Variants in DDX10 observed in about 807,000 individuals in gnomAD.
DDX10 encodes DEAD-box helicase 10.
DDX10 carries 74 observed loss-of-function variants against 104.3 expected under a neutral mutation model. The observed-to-expected ratio is 0.71, with a 90% confidence interval of 0.59 to 0.86. The LOEUF is 0.86. DDX10 is among the 40% of genes least tolerant of loss of function. The probability of loss-of-function intolerance (pLI) is 0.00; values close to 1 mark genes in which losing one functional copy is unlikely to be tolerated. For synonymous variants in DDX10, 351 were observed against 353.4 expected, an observed-to-expected ratio of 0.99 and a Z score of 0.08; for missense variants, 952 against 1,040.0, an observed-to-expected ratio of 0.92 and a Z score of 1.16.
At chr11:108,845,732 G>A (rs539702014) in intron 15 of DDX10, among the ~76,000 whole-genome samples, 3 of 152,130 alleles carry the variant, frequency 2.0e-5, no homozygotes, top group African/African-American at 4.8e-5. Flanking sequence ...TATATTAATT[G>A]TAAAAGATTT....
chr11:108,799,283 G>C (rs893537919), intron 13 of DDX10, among the ~76,000 whole-genome samples: 12 of 152,150 alleles, frequency 7.9e-5, no homozygotes, highest in African/African-American at 2.7e-4. Context: ...ACCAGATTCT[G>C]GTTCACTCGT....
intron 10 of DDX10, 91 bp downstream of exon 10, chr11:108,706,928 T>C (rs917883321): frequency 1.9e-6 from 2 of 1,036,556 alleles, no homozygotes; most frequent in African/African-American, 3.2e-5. Flanking sequence ...CCCCTTCCCC[T>C]AATTTATTCA....
At chr11:108,728,691 A>T (rs866896106) in intron 13 of DDX10, among the ~76,000 whole-genome samples, 17 of 151,794 alleles carry the variant, frequency 1.1e-4, no homozygotes, top group African/African-American at 3.6e-4. Flanking sequence ...ATTTTTAAAA[A>T]TTTTTTTGTA....
At chr11:108,868,439 A>G (rs191783613) in intron 16 of DDX10, 97 of 151,904 alleles carry the variant, frequency 6.4e-4, no homozygotes, top group African/African-American at 2.3e-3. Flanking sequence ...TCCCGCTAAC[A>G]TGTACATACA....
At chr11:108,891,706 G>A (rs1337563699) in intron 16 of DDX10, among the ~76,000 whole-genome samples, 4 of 152,038 alleles carry the variant, frequency 2.6e-5, no homozygotes, top group Admixed American at 2.6e-4. Flanking sequence ...GCACGAACCC[G>A]GTCCTCTAAA....
intron 13 of DDX10, among the ~76,000 whole-genome samples, chr11:108,772,931 T>C (rs1335852451): frequency 6.6e-6 from 1 of 152,176 alleles, no homozygotes; most frequent in East Asian, 1.9e-4. Flanking sequence ...TAACCCACGA[T>C]TGCTTTTGTA....
chr11:108,817,447 T>G (rs1862270807), intron 13 of DDX10, among the ~76,000 whole-genome samples: 1 of 152,234 alleles, frequency 6.6e-6, no homozygotes, highest in African/African-American at 2.4e-5. Flanking sequence ...TTTTAGATCT[T>G]TGCACCTTCT....
chr11:108,781,144 T>G (rs758987253), intron 13 of DDX10, among the ~76,000 whole-genome samples: 1 of 152,188 alleles, frequency 6.6e-6, no homozygotes, highest in African/African-American at 2.4e-5. Flanking sequence ...CACTTATAAG[T>G]GAGAACATGT....
Position 108,741,745 on chromosome 11 carries a change from A to G in DDX10, c.1965+18283A>G, listed in dbSNP as rs144683580. On this transcript the variant is annotated intron_variant, in intron 13 of 17. Transcript: ENST00000322536. ...AGGTGTAGAATCATGTCATCTGCAA[A>G]CAGGGATAGTTTGACTTCCTGTCTT... Among the ~76,000 whole-genome samples the G allele has an allele frequency of 3.3e-3, 501 of 152,296 alleles. 1 individual carries two copies. The highest frequency in any genetic ancestry group is 0.011 in the African/African-American group (471 of 41,554).
rs1341241979 is a variant in DDX10, at chr11:108,723,224, A to AT, written c.1728dup (p.Thr577TyrfsTer3). On this transcript the variant is annotated frameshift_variant, in exon 13 of 18. Transcript: ENST00000322536. LOFTEE classifies it high-confidence loss of function. The stretch of plus-strand genomic sequence containing the variant: ...GGGACAGAGCACAGACAGGATAATG[A>AT]TACTGGTAATGAAGAACAGGAAGAA... The AT allele has an allele frequency of 6.2e-7, 1 of 1,613,764 alleles. No homozygotes were observed. Among genetic ancestry groups the AT allele is most frequent in the Non-Finnish European group, 8.5e-7 (1 of 1,179,846 alleles).
At chr11:108,690,480 C>A in intron 7 of DDX10, 1 of 155,142 alleles carries the variant, frequency 6.4e-6, no homozygotes, top group Non-Finnish European at 1.4e-5. Context: ...CCTGCAAGGG[C>A]TGGTGAGCTT....
chr11:108,885,851 G>A (rs1456335499), intron 16 of DDX10, among the ~76,000 whole-genome samples: 1 of 152,082 alleles, frequency 6.6e-6, no homozygotes, highest in Non-Finnish European at 1.5e-5. Flanking sequence ...TAACCTCTGG[G>A]GCCAAAATTT....
chr11:108,880,046 T>C (rs928481823), intron 16 of DDX10, among the ~76,000 whole-genome samples: 2 of 152,238 alleles, frequency 1.3e-5, no homozygotes, highest in African/African-American at 4.8e-5. Flanking sequence ...TTAGCATTTG[T>C]ATTGGTCAGT....
intron 13 of DDX10, among the ~76,000 whole-genome samples, chr11:108,760,156 C>T (rs564650709): frequency 1.1e-4 from 17 of 150,536 alleles, no homozygotes; most frequent in Middle Eastern, 6.9e-3. Context: ...GTATGGTGTA[C>T]GTGGGTTGAT....
intron 13 of DDX10, among the ~76,000 whole-genome samples, chr11:108,779,841 C>A (rs2094375766): frequency 6.6e-6 from 1 of 151,994 alleles, no homozygotes; most frequent in Admixed American, 6.6e-5. Flanking sequence ...TTTTTTGGCT[C>A]TGTTGTTTTA....
intron 16 of DDX10, among the ~76,000 whole-genome samples, chr11:108,895,942 G>T (rs1192717231): frequency 6.6e-6 from 1 of 152,108 alleles, no homozygotes; most frequent in Non-Finnish European, 1.5e-5. Flanking sequence ...ATGCCAAAAA[G>T]AAAGTTATAT....
At chr11:108,889,496 C>A (rs926743608) in intron 16 of DDX10, among the ~76,000 whole-genome samples, 1 of 151,964 alleles carries the variant, frequency 6.6e-6, no homozygotes, top group Non-Finnish European at 1.5e-5. Context: ...CATCTGTGTT[C>A]CCACTAATAT....
intron 13 of DDX10, among the ~76,000 whole-genome samples, chr11:108,766,971 G>A (rs1055071743): frequency 3.9e-5 from 6 of 152,274 alleles, no homozygotes; most frequent in Non-Finnish European, 5.9e-5. Flanking sequence ...CTTTTATTAC[G>A]TAATAGATGC....
intron 16 of DDX10, among the ~76,000 whole-genome samples, chr11:108,880,043 T>A (rs181358682): frequency 1.7e-4 from 26 of 152,364 alleles, no homozygotes; most frequent in Non-Finnish European, 3.4e-4. Context: ...TTCTTAGCAT[T>A]TGTATTGGTC....
Sources: allele counts gnomAD v4.1 joint callset (sites outside exome capture counted in the v4.1 genomes callset), GRCh38; gene constraint gnomAD v4.1.1; transcripts MANE v1.5; gene names NCBI Gene and HGNC (gene_info 2026-07-23, HGNC 2026-07-21).